Variants in PLCB1 observed in about 807,000 individuals in gnomAD.
The protein encoded by PLCB1 is phospholipase C beta 1.
A neutral mutation model predicts 161.8 loss-of-function variants in PLCB1; 46 were observed. That is an observed-to-expected ratio of 0.28 (90% CI 0.22 to 0.36). The LOEUF is 0.36. Ranked by LOEUF, PLCB1 falls within the 10% of genes least tolerant of loss-of-function variation. The probability of loss-of-function intolerance (pLI) is 1.00; values close to 1 mark genes in which losing one functional copy is unlikely to be tolerated. For missense variants in PLCB1, 1,016 were observed against 1,472.5 expected (o/e 0.69, Z 5.07); for synonymous variants, 517 against 503.7 (o/e 1.03, Z -0.35).
chr20:8,417,737 T>C (rs1025151842), intron 3 of PLCB1, among the ~76,000 whole-genome samples: 10 of 152,176 alleles, frequency 6.6e-5, no homozygotes, highest in Non-Finnish European at 1.2e-4. Flanking sequence ...CCATGTACTT[T>C]GTAAGGAGAC....
intron 2 of PLCB1, among the ~76,000 whole-genome samples, chr20:8,230,939 A>G (rs910224309): frequency 1.1e-4 from 17 of 152,078 alleles, no homozygotes; most frequent in African/African-American, 3.9e-4. Flanking sequence ...CTCTAACACA[A>G]TGAGTTACGT....
chr20:8,634,853 A>C (rs1204022744), intron 4 of PLCB1, among the ~76,000 whole-genome samples: 1 of 152,154 alleles, frequency 6.6e-6, no homozygotes, highest in East Asian at 1.9e-4. Context: ...TGACTGTTGC[A>C]CCATTCTGTT....
At chr20:8,802,055 G>A in intron 31 of PLCB1, 2 of 1,573,604 alleles carry the variant, frequency 1.3e-6, no homozygotes, top group Non-Finnish European at 1.7e-6. Flanking sequence ...TTTCCACACA[G>A]GGGGAAGGTT....
At chr20:8,633,101 T>TAC (rs58802999) in intron 4 of PLCB1, among the ~76,000 whole-genome samples, 2,963 of 142,284 alleles carry the variant, frequency 0.021, 56 homozygotes, top group Middle Eastern at 0.076. Flanking sequence ...TGCATGTATG[T>TAC]ACACACACAC....
intron 2 of PLCB1, among the ~76,000 whole-genome samples, chr20:8,232,894 G>A (rs374509613): frequency 5.9e-5 from 9 of 152,102 alleles, no homozygotes; most frequent in Non-Finnish European, 1.2e-4. Context: ...CTAGCAGCTG[G>A]CGCTGGCATT....
intron 2 of PLCB1, among the ~76,000 whole-genome samples, chr20:8,286,965 G>C (rs1020699540): frequency 1.3e-5 from 2 of 152,002 alleles, no homozygotes; most frequent in African/African-American, 2.4e-5. Flanking sequence ...TTTGTATATA[G>C]TAAGACCAGC....
At chr20:8,252,894 T>G (rs2123226421) in intron 2 of PLCB1, among the ~76,000 whole-genome samples, 1 of 152,138 alleles carries the variant, frequency 6.6e-6, no homozygotes, top group Non-Finnish European at 1.5e-5. Flanking sequence ...ATAGCTTTGT[T>G]TTGCCTTACT....
At chr20:8,870,730 C>G (rs537078007) in intron 31 of PLCB1, among the ~76,000 whole-genome samples, 7 of 152,284 alleles carry the variant, frequency 4.6e-5, no homozygotes, top group Non-Finnish European at 1.0e-4. Context: ...AACTTAGCAA[C>G]CCTCATTCTG....
intron 2 of PLCB1, among the ~76,000 whole-genome samples, chr20:8,358,330 C>A (rs1003187873): frequency 6.6e-6 from 1 of 152,148 alleles, no homozygotes; most frequent in Non-Finnish European, 1.5e-5. Context: ...CTCATTGCAA[C>A]CTCCGCCTCC....
chr20:8,382,925 C>T (rs1987305046), intron 3 of PLCB1, among the ~76,000 whole-genome samples: 2 of 152,146 alleles, frequency 1.3e-5, no homozygotes, highest in African/African-American at 4.8e-5. Flanking sequence ...AGTACTTTTG[C>T]ATTTGCTGAG....
intron 2 of PLCB1, among the ~76,000 whole-genome samples, chr20:8,321,122 CAT>C (rs1396635850): frequency 7.2e-5 from 11 of 152,126 alleles, no homozygotes; most frequent in African/African-American, 2.4e-4. Context: ...TGTTAGCAAA[CAT>C]AATTGAAATA....
At chr20:8,861,737 A>G (rs951275772) in intron 31 of PLCB1, among the ~76,000 whole-genome samples, 1 of 151,612 alleles carries the variant, frequency 6.6e-6, no homozygotes, top group Admixed American at 6.6e-5. Context: ...TCAAAAAAAA[A>G]AAAAAAAAAA....
intron 4 of PLCB1, among the ~76,000 whole-genome samples, chr20:8,643,541 A>C (rs1989022104): frequency 6.6e-6 from 1 of 152,114 alleles, no homozygotes; most frequent in East Asian, 1.9e-4. Flanking sequence ...ACAGCGTATT[A>C]TCGGTGCCTT....
At chr20:8,688,474 T>C (rs1471794109) in intron 10 of PLCB1, among the ~76,000 whole-genome samples, 4 of 152,218 alleles carry the variant, frequency 2.6e-5, no homozygotes, top group Non-Finnish European at 2.9e-5. Context: ...TTTTATAGTT[T>C]CAGGTCTTAG....
chr20:8,178,093 AC>A (rs2051801705), intron 2 of PLCB1, among the ~76,000 whole-genome samples: 2 of 152,150 alleles, frequency 1.3e-5, no homozygotes, highest in Non-Finnish European at 2.9e-5. Flanking sequence ...TATCCAGGCT[AC>A]TGTTGATGGG....
At chr20:8,268,519 C>G (rs1056991160) in intron 2 of PLCB1, among the ~76,000 whole-genome samples, 5 of 152,166 alleles carry the variant, frequency 3.3e-5, no homozygotes, top group African/African-American at 1.2e-4. Flanking sequence ...ATTTCTAGTT[C>G]TAGATCCTTG....
At chr20:8,230,743 G>T (rs73607852) in intron 2 of PLCB1, among the ~76,000 whole-genome samples, 2 of 151,966 alleles carry the variant, frequency 1.3e-5, no homozygotes, top group Non-Finnish European at 2.9e-5. Flanking sequence ...CTCATTTGTC[G>T]CATGTGGCTG....
intron 10 of PLCB1, among the ~76,000 whole-genome samples, chr20:8,694,344 A>G (rs1014463057): frequency 3.9e-5 from 6 of 152,190 alleles, no homozygotes; most frequent in Non-Finnish European, 7.4e-5. Context: ...AAAAGTATTC[A>G]TTTTAAGAAT....
intron 10 of PLCB1, among the ~76,000 whole-genome samples, chr20:8,690,413 G>A (rs1259693202): frequency 6.6e-6 from 1 of 152,192 alleles, no homozygotes; most frequent in Non-Finnish European, 1.5e-5. Context: ...GCAGCAGGGG[G>A]TTGGGAAGTG....
Sources: allele counts gnomAD v4.1 joint callset (sites outside exome capture counted in the v4.1 genomes callset), GRCh38; gene constraint gnomAD v4.1.1; transcripts MANE v1.5; gene names NCBI Gene and HGNC (gene_info 2026-07-23, HGNC 2026-07-21).